Variants in SPDEF observed in about 807,000 individuals in gnomAD.
SPDEF encodes SAM pointed domain containing ETS transcription factor.
Under a neutral mutation model 36.0 loss-of-function variants are expected in SPDEF, and 12 were observed. That is an observed-to-expected ratio of 0.33 (90% CI 0.21 to 0.54). SPDEF has a LOEUF of 0.54. SPDEF is among the 20% of genes least tolerant of loss of function. The probability of loss-of-function intolerance (pLI) is 0.93; values close to 1 mark genes in which losing one functional copy is unlikely to be tolerated. For missense variants in SPDEF, 388 were observed against 456.9 expected (o/e 0.85, Z 1.37); for synonymous variants, 205 against 193.0 (o/e 1.06, Z -0.51).
intron 1 of SPDEF, among the ~76,000 whole-genome samples, chr6:34,550,733 G>A (rs964527417): frequency 2.6e-5 from 4 of 152,098 alleles, no homozygotes; most frequent in Admixed American, 6.6e-5. Flanking sequence ...AAGTACAGGG[G>A]AGTGGGTGAG....
chr6:34,550,772 C>T (rs1356288674), intron 1 of SPDEF, among the ~76,000 whole-genome samples: 1 of 150,886 alleles, frequency 6.6e-6, no homozygotes, highest in Non-Finnish European at 1.5e-5. Flanking sequence ...CAGGTGGAAG[C>T]TGGGGGCGGG....
chr6:34,553,042 A>G (rs184079664), intron 1 of SPDEF, among the ~76,000 whole-genome samples: 7 of 152,024 alleles, frequency 4.6e-5, no homozygotes, highest in Non-Finnish European at 8.8e-5. Context: ...CCTGTGCCAG[A>G]GCTAGAGGGA....
At position 34,555,212 on chromosome 6, in the gene SPDEF, C is replaced by A. The variant is rs1015183216; in HGVS notation, c.-30+717G>T. 6.6e-6 allele frequency among the ~76,000 whole-genome samples: 1 copy of A among 151,740 alleles called. No homozygotes were observed. Among genetic ancestry groups the A allele is most frequent in the African/African-American group, 2.4e-5 (1 of 41,200 alleles). On this transcript the variant is annotated intron_variant, in intron 1 of 5. Coordinates refer to ENST00000374037, the MANE Select transcript of SPDEF (RefSeq NM_012391.3). This position sits in a 1 kb window ranked among gnomAD's most constrained non-coding sequence, Gnocchi z 5.2. ...GCTTCCCACCCTGTCATCCCACCAC[C>A]CACTTCCTCTCTCCACCGCAGAAAT...
chr6:34,541,851 G>T (rs1334549811), intron 2 of SPDEF, among the ~76,000 whole-genome samples: 2 of 151,362 alleles, frequency 1.3e-5, no homozygotes, highest in Non-Finnish European at 2.9e-5. Context: ...CTGGGGTGCT[G>T]CTCTGGGGTG....
At chr6:34,540,900 C>T in intron 3 of SPDEF, 84 bp downstream of exon 3, 1 of 1,353,180 alleles carries the variant, frequency 7.4e-7, no homozygotes, top group East Asian at 2.4e-5. Context: ...GGCTGCTGCC[C>T]TAGCAGAGGG....
rs1768093746 is a variant in SPDEF, at chr6:34,552,968, TTGCCCCGCAA to T, written c.-30+2951_-30+2960del. ...CCCCAGGAGCAGAGAGGCCTGGGCC[TTGCCCCGCAA>T]CCAGTCTCAGGCGCTGGAGCCCCGG... On this transcript the variant is annotated intron_variant, in intron 1 of 5. Transcript: ENST00000374037. This position sits in a 1 kb window ranked among gnomAD's most constrained non-coding sequence, Gnocchi z 4.6. Among the ~76,000 whole-genome samples, 2 of 152,130 alleles carry T rather than the reference TTGCCCCGCAA, an allele frequency of 1.3e-5. No homozygotes were observed. The highest frequency in any genetic ancestry group is 4.8e-5 in the African/African-American group (2 of 41,416).
At chr6:34,547,786 C>G (rs901095361) in intron 1 of SPDEF, among the ~76,000 whole-genome samples, 1 of 152,206 alleles carries the variant, frequency 6.6e-6, no homozygotes, top group Admixed American at 6.5e-5. Context: ...ACCCCACATT[C>G]CAGCTTGACC....
rs761526039 is a variant in SPDEF at position 34,539,501 on chromosome 6, G to A, written c.682+14C>T. 142 of 1,579,426 alleles carry A rather than the reference G, an allele frequency of 9.0e-5. 1 individual carries two copies. The highest frequency in any genetic ancestry group is 4.3e-4 in the Middle Eastern group (2 of 4,670). On this transcript the variant is annotated intron_variant, in intron 4 of 5. Coordinates refer to ENST00000374037, the MANE Select transcript of SPDEF (RefSeq NM_012391.3). This position sits in a 1 kb window ranked among gnomAD's most constrained non-coding sequence, Gnocchi z 5.2. ...CCCGAGCCCCCGCCTCCACCCTGCC[G>A]CTGCCTGGCTCACCACAGTAGTGAA...
At position 34,539,676 on chromosome 6, in the gene SPDEF, C is replaced by G; in HGVS notation, c.635-114G>C. The G allele has an allele frequency of 2.4e-6, 3 of 1,253,550 alleles. No individual in the cohort carries two copies. Among genetic ancestry groups the G allele is most frequent in the Non-Finnish European group, 3.4e-6 (3 of 879,764 alleles). The allele number at this position is 1,253,550 out of a possible 1,614,324, so 77.7% of individuals were successfully genotyped here. On this transcript the variant is annotated intron_variant, in intron 3 of 5. Coordinates refer to ENST00000374037, the MANE Select transcript of SPDEF (RefSeq NM_012391.3). The surrounding 1 kb of genome is among the most constrained non-coding windows in gnomAD (Gnocchi z 5.2). Reference sequence around the variant, plus strand: ...GGAGCCCCTCTGTGGCTGGGGGTTGCCCCTGTGGCTCCCTGCCTCCTGCCA... The same window carrying G: ...GGAGCCCCTCTGTGGCTGGGGGTTGGCCCTGTGGCTCCCTGCCTCCTGCCA...
Position 34,544,490 on chromosome 6 carries a change from G to C in SPDEF, c.-29-6C>G, listed in dbSNP as rs1767909980. 12 of 1,498,936 alleles carry C rather than the reference G, an allele frequency of 8.0e-6. No individual in the cohort carries two copies. The highest frequency in any genetic ancestry group is 1.1e-5 in the Non-Finnish European group (12 of 1,127,074). 92.9% of individuals were successfully genotyped at this position (1,498,936 alleles called of 1,614,324 possible). Reference sequence around the variant, plus strand: ...GTTTGGGCTGGCGGCTGTGTCTACGGAAATGAAAGAGGACTCAGGTTTGAC... The same window carrying C: ...GTTTGGGCTGGCGGCTGTGTCTACGCAAATGAAAGAGGACTCAGGTTTGAC... On this transcript the variant is annotated splice_region_variant and splice_polypyrimidine_tract_variant and intron_variant, in intron 1 of 5. Transcript: ENST00000374037. The surrounding 1 kb of genome is among the most constrained non-coding windows in gnomAD (Gnocchi z 4.4).
chr6:34,543,537 T>G (rs984685610), intron 2 of SPDEF, among the ~76,000 whole-genome samples: 3 of 152,242 alleles, frequency 2.0e-5, no homozygotes, highest in African/African-American at 7.2e-5. Flanking sequence ...CCATGTCCTG[T>G]GCTCATGGGC....
intron 1 of SPDEF, among the ~76,000 whole-genome samples, chr6:34,551,741 AGC>A (rs1768066173): frequency 1.3e-5 from 2 of 152,126 alleles, no homozygotes; most frequent in African/African-American, 4.8e-5. Flanking sequence ...GAAGAAGCAG[AGC>A]CAGCTTCAGG....
At chr6:34,547,659 A>T (rs1159853109) in intron 1 of SPDEF, among the ~76,000 whole-genome samples, 1 of 152,132 alleles carries the variant, frequency 6.6e-6, no homozygotes, top group Non-Finnish European at 1.5e-5. Context: ...AAGCTACCTC[A>T]TCTGGCCCAG....
rs1768075082 is a variant in SPDEF, at chr6:34,552,161, C to T, written c.-30+3768G>A. Reference sequence around the variant, plus strand: ...CGTCCTCACCCCCAAATCGCCGGTACACTCCTTGAAGGGCCGGCCACAGTA... The same window carrying T: ...CGTCCTCACCCCCAAATCGCCGGTATACTCCTTGAAGGGCCGGCCACAGTA... On this transcript the variant is annotated intron_variant, in intron 1 of 5. Coordinates refer to ENST00000374037, the MANE Select transcript of SPDEF (RefSeq NM_012391.3). The surrounding 1 kb of genome is among the most constrained non-coding windows in gnomAD (Gnocchi z 4.6). Among the ~76,000 whole-genome samples, 1 of 152,138 alleles carries T rather than the reference C, an allele frequency of 6.6e-6. No individual in the cohort carries two copies. The highest frequency in any genetic ancestry group is 2.4e-5 in the African/African-American group (1 of 41,426).
intron 1 of SPDEF, among the ~76,000 whole-genome samples, chr6:34,553,767 T>C (rs1389599429): frequency 6.6e-6 from 1 of 150,782 alleles, no homozygotes; most frequent in Admixed American, 6.6e-5. Flanking sequence ...GAGAGTGGAG[T>C]CTGGGGGGAG....
intron 1 of SPDEF, among the ~76,000 whole-genome samples, chr6:34,554,143 T>C (rs969462400): frequency 3.9e-5 from 6 of 152,156 alleles, no homozygotes; most frequent in Non-Finnish European, 5.9e-5. Flanking sequence ...CTTCTTGCCC[T>C]CCACCTTGAG....
intron 1 of SPDEF, among the ~76,000 whole-genome samples, chr6:34,548,464 C>A (rs1767997509): frequency 6.6e-6 from 1 of 152,196 alleles, no homozygotes; most frequent in Admixed American, 6.5e-5. Context: ...CATGGCTCCC[C>A]ATTGCCCCAT....
At position 34,552,616 on chromosome 6, in the gene SPDEF, T is replaced by C. The variant is rs1291888960; in HGVS notation, c.-30+3313A>G. 1.3e-5 allele frequency among the ~76,000 whole-genome samples: 2 copies of C among 152,142 alleles called. No homozygotes were observed. Among genetic ancestry groups the C allele is most frequent in the Non-Finnish European group, 2.9e-5 (2 of 68,026 alleles). On this transcript the variant is annotated intron_variant, in intron 1 of 5. Coordinates refer to ENST00000374037, the MANE Select transcript of SPDEF (RefSeq NM_012391.3). The surrounding 1 kb of genome is among the most constrained non-coding windows in gnomAD (Gnocchi z 4.6). ...CACCTGGTTGTTGGTCTGTAAAATC[T>C]TGATGGGCTGAAGGGAAAAAACATT...
intron 1 of SPDEF, among the ~76,000 whole-genome samples, chr6:34,546,579 T>C (rs543820509): frequency 6.6e-6 from 1 of 152,296 alleles, no homozygotes; most frequent in South Asian, 2.1e-4. Flanking sequence ...CTGGATAGCA[T>C]AGCTTGACGA....
Sources: allele counts gnomAD v4.1 joint callset (sites outside exome capture counted in the v4.1 genomes callset), GRCh38; gene constraint gnomAD v4.1.1; non-coding constraint Gnocchi (gnomAD v3.1); transcripts MANE v1.5; gene names NCBI Gene and HGNC (gene_info 2026-07-23, HGNC 2026-07-21).